Variants in FSCN2 observed in about 807,000 individuals in gnomAD.
The protein encoded by FSCN2 is fascin actin-bundling protein 2, retinal.
In FSCN2, 46 loss-of-function variants were observed where a neutral mutation model predicts 37.8. That is an observed-to-expected ratio of 1.22 (90% CI 0.96 to 1.56). The LOEUF is 1.56. Ranked by LOEUF, FSCN2 falls within the 40% of genes most tolerant of loss-of-function variation. FSCN2 has a pLI of 0.00. For missense variants in FSCN2, 844 were observed against 730.4 expected (o/e 1.16, Z -1.79); for synonymous variants, 351 against 309.4 (o/e 1.13, Z -1.41).
chr17:81,533,482 G>T (rs148475267), intron 1 of FSCN2, among the ~76,000 whole-genome samples: 1 of 152,340 alleles, frequency 6.6e-6, no homozygotes, highest in African/African-American at 2.4e-5. Context: ...GGTCAGCTCT[G>T]ACCTCAGCCT....
At chr17:81,536,503 G>A (rs1383532706) in intron 3 of FSCN2, 119 bp from the exon 4 acceptor site, 1 of 1,541,154 alleles carries the variant, frequency 6.5e-7, no homozygotes, top group Non-Finnish European at 8.7e-7. Flanking sequence ...CCGCACATGA[G>A]GCAATGGCAG....
chr17:81,530,549 C>T (rs530734360), intron 1 of FSCN2: 13 of 491,730 alleles, frequency 2.6e-5, no homozygotes, highest in South Asian at 4.5e-5. Flanking sequence ...TGGGGAGAGC[C>T]GGGTGCATGG....
intron 2 of FSCN2, among the ~76,000 whole-genome samples, chr17:81,535,623 A>G (rs1232908337): frequency 9.6e-6 from 1 of 103,674 alleles, no homozygotes. Context: ...CACCATCCCC[A>G]TCTCCACCAT....
chr17:81,515,859 G>T, the FSCN2 span, among the ~76,000 whole-genome samples: 2 of 152,252 alleles, frequency 1.3e-5, no homozygotes, highest in African/African-American at 2.4e-5. Context: ...TTATTTTATT[G>T]TATTTTTGAG....
upstream of FSCN2, among the ~76,000 whole-genome samples, chr17:81,524,893 T>TACA (rs1555669869): frequency 8.1e-6 from 1 of 122,712 alleles, no homozygotes; most frequent in Non-Finnish European, 1.9e-5. Context: ...ATGAGCACCT[T>TACA]CACACACACA....
intron 2 of FSCN2, among the ~76,000 whole-genome samples, chr17:81,535,426 TCATCACCATCCCCACCATCCGCATCCC>T (rs2032824180): frequency 1.6e-5 from 2 of 122,246 alleles, no homozygotes; most frequent in Non-Finnish European, 3.3e-5. Context: ...ACCATCCCCA[TCATCACCATCCCCACCATCCGCATCCC>T]CATCTCCATC....
At chr17:81,517,666 G>C in the FSCN2 span, among the ~76,000 whole-genome samples, 1 of 152,156 alleles carries the variant, frequency 6.6e-6, no homozygotes, top group African/African-American at 2.4e-5. Flanking sequence ...CTTTCCCCAG[G>C]CCTCATTCCC....
At chr17:81,530,474 T>C in intron 1 of FSCN2, 1 of 395,276 alleles carries the variant, frequency 2.5e-6, no homozygotes, top group Admixed American at 3.8e-5. Context: ...GGGCAGTCAC[T>C]ACCCACCTGG....
At chr17:81,525,781 C>T (rs1480021517), upstream of FSCN2, among the ~76,000 whole-genome samples, 1 of 152,194 alleles carries the variant, frequency 6.6e-6, no homozygotes, top group Non-Finnish European at 1.5e-5. Flanking sequence ...ATCTCAGGCA[C>T]TTATTAAGTA....
intron 1 of FSCN2, chr17:81,530,010 C>G (rs12937453): frequency 3.4e-6 from 1 of 290,660 alleles, no homozygotes; most frequent in African/African-American, 2.3e-5. Flanking sequence ...CGGGGTTTCA[C>G]TGTGTTAGCC....
the FSCN2 span, among the ~76,000 whole-genome samples, chr17:81,518,786 T>A: frequency 1.3e-5 from 2 of 152,134 alleles, no homozygotes; most frequent in Non-Finnish European, 2.9e-5. Flanking sequence ...TCAGGGCCTC[T>A]CCAGGTGTCT....
the FSCN2 span, among the ~76,000 whole-genome samples, chr17:81,519,707 T>A: frequency 6.6e-6 from 1 of 151,766 alleles, no homozygotes; most frequent in Non-Finnish European, 1.5e-5. Context: ...GTGACCTCAG[T>A]CAGGGCTGAC....
chr17:81,516,822 G>C, the FSCN2 span, among the ~76,000 whole-genome samples: 4 of 152,128 alleles, frequency 2.6e-5, no homozygotes, highest in Admixed American at 6.5e-5. Flanking sequence ...CTGCTTGTTT[G>C]GTCCCAGGAC....
At chr17:81,518,368 C>T in the FSCN2 span, among the ~76,000 whole-genome samples, 6 of 152,030 alleles carry the variant, frequency 3.9e-5, no homozygotes, top group African/African-American at 1.5e-4. Context: ...TGGCATAGCC[C>T]CTGTACCTGG....
chr17:81,524,475 G>C (rs2032289491), upstream of FSCN2, among the ~76,000 whole-genome samples: 2 of 152,246 alleles, frequency 1.3e-5, no homozygotes, highest in Admixed American at 6.5e-5. Flanking sequence ...AGGTGGGCGA[G>C]GGTGGGGCGT....
chr17:81,522,268 G>A, the FSCN2 span, among the ~76,000 whole-genome samples: 1 of 152,210 alleles, frequency 6.6e-6, no homozygotes, highest in Admixed American at 6.5e-5. Flanking sequence ...GCCTCCAAAA[G>A]TGCTTGAATT....
chr17:81,531,941 GGTGATGATGATGGTGATGGTGATA>G (rs2032653910), intron 1 of FSCN2, among the ~76,000 whole-genome samples: 1 of 149,622 alleles, frequency 6.7e-6, no homozygotes, highest in Non-Finnish European at 1.5e-5. Flanking sequence ...TGATGATAAT[GGTGATGATGATGGTGATGGTGATA>G]GTGATGATAA....
rs1356291443 is a variant in FSCN2, at chr17:81,537,029, G to C, written c.1428G>C (p.Leu476=). The change falls in exon 5 of 5, where the codon CTG becomes CTC. Residue 476 remains leucine, a synonymous_variant. Transcript: ENST00000417245. ...GKYLRGGASG[L]LRADADAPAG... is the part of the protein sequence containing the mutation. ...ACCTGCGCGGCGGCGCCTCGGGCCT[G>C]CTGCGGGCCGATGCCGACGCCCCGG... The C allele has an allele frequency of 1.3e-6, 2 of 1,488,598 alleles. No homozygotes were observed. The highest frequency in any genetic ancestry group is 1.8e-4 in the Middle Eastern group (1 of 5,632). 92.2% of individuals were successfully genotyped at this position (1,488,598 alleles called of 1,614,324 possible).
rs1408973573 is a variant in FSCN2, at chr17:81,535,219, AC to A, written c.983+12del. On this transcript the variant is annotated intron_variant, in intron 2 of 4. Transcript: ENST00000417245. ...CACAGCCACACAAGTGTGAGTGCAC[AC>A]ATCCCTTCCTCCTCCATCATCCCCA... 6.6e-7 allele frequency: 1 copy of A among 1,516,520 alleles called. No individual in the cohort carries two copies. The highest frequency in any genetic ancestry group is 8.8e-7 in the Non-Finnish European group (1 of 1,133,824). 93.9% of individuals were successfully genotyped at this position (1,516,520 alleles called of 1,614,324 possible).
Sources: allele counts gnomAD v4.1 joint callset (sites outside exome capture counted in the v4.1 genomes callset), GRCh38; gene constraint gnomAD v4.1.1; transcripts MANE v1.5; gene names NCBI Gene and HGNC (gene_info 2026-07-23, HGNC 2026-07-21).